Variants in TF observed in about 807,000 individuals in gnomAD.
The protein encoded by TF is transferrin, also known as serotransferrin.
Under a neutral mutation model 82.4 loss-of-function variants are expected in TF, and 55 were observed. The observed-to-expected ratio is 0.67, with a 90% CI of 0.54 to 0.84. The LOEUF is 0.84. TF is among the 40% of genes least tolerant of loss of function. The pLI, the probability that TF is intolerant of heterozygous loss-of-function variation, is 0.00. For missense variants in TF, 737 were observed against 868.4 expected (o/e 0.85, Z 1.90); for synonymous variants, 332 against 332.6 (o/e 1.00, Z 0.02).
At chr3:133,762,820 C>T (rs969187861) in intron 9 of TF, among the ~76,000 whole-genome samples, 7 of 152,184 alleles carry the variant, frequency 4.6e-5, no homozygotes, top group Admixed American at 1.3e-4. Flanking sequence ...AGACTCTGAG[C>T]GAATGTGTGG....
chr3:133,778,499 C>A, intron 16 of TF, 87 bp from the exon 17 acceptor site: 2 of 1,446,802 alleles, frequency 1.4e-6, no homozygotes, highest in Non-Finnish European at 1.9e-6. Flanking sequence ...ACACTTTGTA[C>A]TATGCTGAAA....
chr3:133,695,463 G>T, the TF span, among the ~76,000 whole-genome samples: 2 of 152,086 alleles, frequency 1.3e-5, no homozygotes, highest in African/African-American at 2.4e-5. Context: ...GCCCAGAATG[G>T]TCTTGATCTC....
rs1303209058 is a variant in TF at position 133,782,465 on chromosome 3, A to C, written c.*3845A>C. ...CAATGGAATATTATTCAGCCCTAAA[A>C]AGAATATCTTGCCATTTGCCACAAC... On this transcript the variant is annotated 3_prime_UTR_variant, in exon 17 of 17. Coordinates refer to ENST00000402696, the MANE Select transcript of TF (RefSeq NM_001063.4). The C allele has an allele frequency of 6.6e-6, 1 of 152,174 alleles. No homozygotes were observed. The highest frequency in any genetic ancestry group is 1.5e-5 in the Non-Finnish European group (1 of 68,026). 9.4% of individuals were successfully genotyped at this position (152,174 alleles called of 1,614,324 possible). A position where few individuals can be genotyped will look rare whatever the true frequency, so the allele number is the denominator to read the frequency against.
At chr3:133,740,282 A>G in the TF span, among the ~76,000 whole-genome samples, 1 of 152,178 alleles carries the variant, frequency 6.6e-6, no homozygotes, top group African/African-American at 2.4e-5. Flanking sequence ...GAGTTGAACA[A>G]TGAGAATACA....
At chr3:133,762,200 C>T (rs1326506677) in intron 9 of TF, 44 of 214,232 alleles carry the variant, frequency 2.1e-4, no homozygotes, top group Non-Finnish European at 3.3e-4. Flanking sequence ...TGAAGAATCT[C>T]CCAGTAATAG....
chr3:133,735,339 C>CAA, the TF span, among the ~76,000 whole-genome samples: 374 of 123,406 alleles, frequency 3.0e-3, no homozygotes, highest in African/African-American at 0.011. Context: ...GACTCCATCC[C>CAA]AAAAAAAAAA....
At chr3:133,772,018 T>C (rs931074765) in intron 14 of TF, among the ~76,000 whole-genome samples, 1 of 152,058 alleles carries the variant, frequency 6.6e-6, no homozygotes, top group Non-Finnish European at 1.5e-5. Context: ...CACCAGCCCC[T>C]CCAGGAAGCC....
the TF span, among the ~76,000 whole-genome samples, chr3:133,734,856 C>T: frequency 6.6e-6 from 1 of 150,946 alleles, no homozygotes; most frequent in African/African-American, 2.4e-5. Flanking sequence ...GAACACAGAC[C>T]AGCCAAATCC....
intron 11 of TF, 144 bp from the exon 12 acceptor site, chr3:133,766,134 C>T (rs1336345292): frequency 2.4e-6 from 2 of 821,834 alleles, no homozygotes; most frequent in Non-Finnish European, 4.2e-6. Context: ...TTGTACTTCC[C>T]CTCAGTCAGA....
chr3:133,771,116 GGAAAAATAGCT>G (rs773804005), intron 14 of TF, among the ~76,000 whole-genome samples: 84 of 152,092 alleles, frequency 5.5e-4, no homozygotes, highest in Non-Finnish European at 1.0e-3. Flanking sequence ...AGAACTCCTT[GGAAAAATAGCT>G]GACTTCAGGG....
intron 7 of TF, 91 bp from the exon 8 acceptor site, chr3:133,757,678 T>C: frequency 7.6e-7 from 1 of 1,310,262 alleles, no homozygotes; most frequent in Non-Finnish European, 1.1e-6. Context: ...TTTCATGTTG[T>C]TTCCTGCAGA....
the TF span, among the ~76,000 whole-genome samples, chr3:133,729,590 T>C: frequency 2.6e-5 from 4 of 152,196 alleles, no homozygotes; most frequent in Admixed American, 6.5e-5. Context: ...GAAAGAGAAC[T>C]CCCTGACCCC....
At chr3:133,729,066 T>C in the TF span, among the ~76,000 whole-genome samples, 1 of 152,094 alleles carries the variant, frequency 6.6e-6, no homozygotes, top group Non-Finnish European at 1.5e-5. Flanking sequence ...CTGCCCCTAC[T>C]GGGGGGTGCC....
intron 6 of TF, 95 bp downstream of exon 6, chr3:133,756,432 A>C (rs1304264547): frequency 7.4e-7 from 1 of 1,350,148 alleles, no homozygotes; most frequent in Non-Finnish European, 1.0e-6. Flanking sequence ...GGAAATGAGC[A>C]TACTGTATTT....
At position 133,784,485 on chromosome 3, in the gene TF, AT is replaced by A. The variant is rs1488699045; in HGVS notation, c.*5866del. On this transcript the variant is annotated 3_prime_UTR_variant, in exon 17 of 17. Transcript: ENST00000402696. ...ATTTGTTAAAAAAATAATAATAATAATAATAATAATAATAATAATAATAGGA... is the reference window on the plus strand; with the variant it reads ...ATTTGTTAAAAAAATAATAATAATAAAATAATAATAATAATAATAATAGGA... The A allele has an allele frequency of 3.4e-5, 5 of 145,094 alleles. No individual in the cohort carries two copies. Among genetic ancestry groups the A allele is most frequent in the African/African-American group, 5.1e-5 (2 of 39,508 alleles). 9.0% of individuals were successfully genotyped at this position (145,094 alleles called of 1,614,324 possible).
upstream of TF, among the ~76,000 whole-genome samples, chr3:133,743,356 A>T (rs1559864676): frequency 6.6e-6 from 1 of 152,116 alleles, no homozygotes; most frequent in Non-Finnish European, 1.5e-5. Flanking sequence ...CAGACTGACC[A>T]GCCCCTGTGC....
At chr3:133,681,735 A>G in the TF span, among the ~76,000 whole-genome samples, 1 of 152,250 alleles carries the variant, frequency 6.6e-6, no homozygotes, top group African/African-American at 2.4e-5. Context: ...ACTGCAGCTC[A>G]AGGAGGCCTG....
At chr3:133,665,029 A>G in the TF span, 1 of 152,106 alleles carries the variant, frequency 6.6e-6, no homozygotes, top group African/African-American at 2.4e-5. Context: ...AGCATTCCAT[A>G]TTTGCCGGTC....
chr3:133,731,455 G>A, the TF span, among the ~76,000 whole-genome samples: 9 of 152,198 alleles, frequency 5.9e-5, no homozygotes, highest in African/African-American at 2.2e-4. Flanking sequence ...TCCTCCAGCT[G>A]AGCTCAGCTT....
Sources: allele counts gnomAD v4.1 joint callset (sites outside exome capture counted in the v4.1 genomes callset), GRCh38; gene constraint gnomAD v4.1.1; transcripts MANE v1.5; gene names NCBI Gene and HGNC (gene_info 2026-07-23, HGNC 2026-07-21).